ME1: variants seen among roughly 807,000 people sequenced by gnomAD.
ME1 encodes malic enzyme 1.
In ME1, 74 loss-of-function variants were observed where a neutral mutation model predicts 66.4. That is an observed-to-expected ratio of 1.11 (90% confidence interval 0.92 to 1.35). The LOEUF (loss-of-function observed/expected upper bound fraction) is 1.35, where lower values mean the gene tolerates loss of function less well. ME1 is among the 40% of genes most tolerant of loss of function. The pLI is 0.00. For missense variants in ME1, 750 were observed against 694.1 expected, an observed-to-expected ratio of 1.08 and a Z score of -0.90; for synonymous variants, 251 against 235.6, an observed-to-expected ratio of 1.07 and a Z score of -0.60.
intron 1 of ME1, among the ~76,000 whole-genome samples, chr6:83,429,926 C>T (rs928853487): frequency 2.0e-5 from 3 of 151,650 alleles, no homozygotes; most frequent in African/African-American, 7.3e-5. Flanking sequence ...AAAGCGCACG[C>T]ACACACACAC....
chr6:83,399,760 A>C (rs1186140781), intron 2 of ME1, among the ~76,000 whole-genome samples: 2 of 152,212 alleles, frequency 1.3e-5, no homozygotes, highest in Non-Finnish European at 2.9e-5. Flanking sequence ...ACTACTCAAC[A>C]ATCTTACCAG....
chr6:83,343,997 GC>G (rs1768638834), intron 5 of ME1, among the ~76,000 whole-genome samples: 1 of 151,064 alleles, frequency 6.6e-6, no homozygotes, highest in South Asian at 2.1e-4. Context: ...TCAATAAATG[GC>G]CAAGGTTTAA....
At chr6:83,380,548 T>C (rs915646294) in intron 3 of ME1, among the ~76,000 whole-genome samples, 5 of 151,868 alleles carry the variant, frequency 3.3e-5, no homozygotes, top group African/African-American at 1.2e-4. Context: ...CAATAGATAA[T>C]TAAGGGATAC....
intron 3 of ME1, among the ~76,000 whole-genome samples, chr6:83,395,165 G>A (rs1190163105): frequency 2.6e-5 from 4 of 151,352 alleles, no homozygotes; most frequent in African/African-American, 9.7e-5. Context: ...TCAGCTCACT[G>A]AAGCTTCTGC....
At chr6:83,242,163 G>A (rs765705202) in intron 7 of ME1, among the ~76,000 whole-genome samples, 1 of 152,062 alleles carries the variant, frequency 6.6e-6, no homozygotes, top group Admixed American at 6.6e-5. Flanking sequence ...ACTGAGCCCC[G>A]CCTGTACTAT....
intron 6 of ME1, among the ~76,000 whole-genome samples, chr6:83,299,863 C>T (rs746218923): frequency 3.3e-5 from 5 of 152,106 alleles, no homozygotes; most frequent in Middle Eastern, 3.4e-3. Context: ...GATAATCACA[C>T]GGTTTTTGTC....
chr6:83,340,538 C>T (rs955115285), intron 5 of ME1, among the ~76,000 whole-genome samples: 1 of 152,154 alleles, frequency 6.6e-6, no homozygotes, highest in Non-Finnish European at 1.5e-5. Context: ...CAATTTTAAG[C>T]ATTCTAAATG....
At chr6:83,226,200 G>A (rs1460557266) in intron 11 of ME1, among the ~76,000 whole-genome samples, 2 of 151,918 alleles carry the variant, frequency 1.3e-5, no homozygotes, top group Non-Finnish European at 2.9e-5. Context: ...AGAACATTAG[G>A]CAAGATGATA....
intron 3 of ME1, among the ~76,000 whole-genome samples, chr6:83,370,834 G>C (rs1434036186): frequency 6.6e-6 from 1 of 152,086 alleles, no homozygotes; most frequent in Non-Finnish European, 1.5e-5. Flanking sequence ...CTATGCAATG[G>C]GATCCAAGAG....
chr6:83,291,695 A>G (rs561946859), intron 6 of ME1, among the ~76,000 whole-genome samples: 60 of 152,128 alleles, frequency 3.9e-4, no homozygotes, highest in Non-Finnish European at 1.2e-4. Flanking sequence ...GTTCTCCTGC[A>G]TAATATCCTG....
intron 3 of ME1, among the ~76,000 whole-genome samples, chr6:83,379,528 G>A (rs1009037868): frequency 3.3e-5 from 5 of 151,728 alleles, no homozygotes; most frequent in African/African-American, 1.2e-4. Context: ...TGTAAACACC[G>A]TTTTCAGTAA....
intron 2 of ME1, among the ~76,000 whole-genome samples, chr6:83,406,916 C>G (rs1344630671): frequency 6.6e-6 from 1 of 151,058 alleles, no homozygotes; most frequent in Non-Finnish European, 1.5e-5. Context: ...ATTTAACAAG[C>G]CTTCTCCCTC....
intron 3 of ME1, among the ~76,000 whole-genome samples, chr6:83,388,210 C>G (rs907221936): frequency 6.6e-6 from 1 of 151,846 alleles, no homozygotes; most frequent in African/African-American, 2.4e-5. Flanking sequence ...ACCTCAGCCC[C>G]CTGAGTAGGT....
intron 6 of ME1, among the ~76,000 whole-genome samples, chr6:83,260,399 A>G (rs879870144): frequency 1.8e-4 from 27 of 152,108 alleles, no homozygotes; most frequent in Non-Finnish European, 3.5e-4. Flanking sequence ...TGTGATTTTA[A>G]TTTTATTATT....
At chr6:83,225,729 C>G (rs898912518) in intron 11 of ME1, among the ~76,000 whole-genome samples, 4 of 150,768 alleles carry the variant, frequency 2.7e-5, no homozygotes, top group African/African-American at 9.7e-5. Context: ...TTGTTATAAA[C>G]AACTTTCTAA....
At chr6:83,286,653 G>T (rs1767401280) in intron 6 of ME1, among the ~76,000 whole-genome samples, 1 of 151,936 alleles carries the variant, frequency 6.6e-6, no homozygotes, top group South Asian at 2.1e-4. Context: ...TATATAAAAG[G>T]CATACTTGAA....
intron 6 of ME1, among the ~76,000 whole-genome samples, chr6:83,300,435 C>A (rs1189354733): frequency 6.6e-6 from 1 of 151,820 alleles, no homozygotes. Context: ...AAACTATAAA[C>A]AAAGTAAACA....
At chr6:83,408,138 TAAAATCAGATGATG>T (rs1769982947) in intron 1 of ME1, among the ~76,000 whole-genome samples, 1 of 151,942 alleles carries the variant, frequency 6.6e-6, no homozygotes, top group African/African-American at 2.4e-5. Flanking sequence ...ATAATTAGGA[TAAAATCAGATGATG>T]AATGGAAGGA....
At chr6:83,363,410 G>A (rs1162695441) in intron 3 of ME1, among the ~76,000 whole-genome samples, 1 of 152,136 alleles carries the variant, frequency 6.6e-6, no homozygotes, top group Non-Finnish European at 1.5e-5. Flanking sequence ...CTCCACAATG[G>A]CGGTAAGGAA....
Sources: gnomAD v4.1 joint callset for allele counts (sites outside exome capture counted in the v4.1 genomes callset) on GRCh38, gnomAD v4.1.1 for gene constraint, MANE v1.5 for transcripts, NCBI Gene and HGNC (gene_info 2026-07-23, HGNC 2026-07-21) for gene names.